The following RAB33A variants were observed in gnomAD, a reference collection of about 807,000 sequenced individuals.
The protein encoded by RAB33A is ras-related protein Rab-33A.
In RAB33A, 6 loss-of-function variants were observed where a neutral mutation model predicts 12.0. The ratio of observed to expected loss-of-function variants is 0.50; its 90% CI spans 0.27 to 0.99. The LOEUF is 0.99. Ranked by LOEUF, RAB33A falls within the 50% of genes least tolerant of loss-of-function variation. The pLI, the probability that RAB33A is intolerant of heterozygous loss-of-function variation, is 0.11. For synonymous variants in RAB33A, 70 were observed against 82.4 expected (o/e 0.85, Z 0.81); for missense variants, 109 against 192.0 (o/e 0.57, Z 2.55).
the RAB33A span, among the ~76,000 whole-genome samples, chrX:130,139,397 T>C: frequency 9.0e-6 from 1 of 110,992 alleles, no homozygotes; most frequent in Admixed American, 9.6e-5. Context: ...ATAAGCACAG[T>C]GTTAAGAAGC....
the RAB33A span, chrX:130,136,101 C>A: frequency 8.3e-7 from 1 of 1,212,009 alleles, no homozygotes; most frequent in East Asian, 3.0e-5. Context: ...CCACCAAAAT[C>A]TGAGTCTATT....
the RAB33A span, among the ~76,000 whole-genome samples, chrX:130,160,368 C>G: frequency 2.7e-5 from 3 of 111,692 alleles, no homozygotes; most frequent in African/African-American, 9.8e-5. Flanking sequence ...ATCATGGCAG[C>G]AGTTTACTTA....
chrX:130,117,159 A>C, the RAB33A span, among the ~76,000 whole-genome samples: 1 of 112,286 alleles, frequency 8.9e-6, no homozygotes, highest in Non-Finnish European at 1.9e-5. Context: ...GCTTGCAGTG[A>C]GCCGAGATTG....
At chrX:130,122,704 C>A in the RAB33A span, among the ~76,000 whole-genome samples, 1 of 111,825 alleles carries the variant, frequency 8.9e-6, no homozygotes, top group Non-Finnish European at 1.9e-5. Context: ...CTCTGTAGGG[C>A]ATGTTTGTTG....
chrX:130,141,555 C>T, the RAB33A span, among the ~76,000 whole-genome samples: 1 of 111,952 alleles, frequency 8.9e-6, no homozygotes. Flanking sequence ...GTTCGTTCCC[C>T]CACACTCCAC....
chrX:130,153,352 CAAA>C, the RAB33A span, among the ~76,000 whole-genome samples: 1 of 42,856 alleles, frequency 2.3e-5, no homozygotes. Flanking sequence ...GACTCCGTTT[CAAA>C]AAAAAAAAAA....
chrX:130,125,168 C>G, the RAB33A span, among the ~76,000 whole-genome samples: 2 of 111,874 alleles, frequency 1.8e-5, no homozygotes, highest in African/African-American at 6.5e-5. Flanking sequence ...GTAGCAACAC[C>G]AAGTCCTGGC....
chrX:130,114,255 C>T, the RAB33A span, among the ~76,000 whole-genome samples: 1 of 112,056 alleles, frequency 8.9e-6, no homozygotes, highest in Non-Finnish European at 1.9e-5. Context: ...TTGTGGGAAT[C>T]CCATAAGTTC....
the RAB33A span, among the ~76,000 whole-genome samples, chrX:130,154,288 G>C: frequency 8.9e-6 from 1 of 112,056 alleles, no homozygotes; most frequent in Non-Finnish European, 1.9e-5. Flanking sequence ...TTGGCATCAA[G>C]AAAATTTGCA....
the RAB33A span, among the ~76,000 whole-genome samples, chrX:130,157,393 T>G: frequency 8.9e-6 from 1 of 112,139 alleles, no homozygotes; most frequent in Non-Finnish European, 1.9e-5. Context: ...AAGGAAGGTC[T>G]CAGTCTCTGA....
chrX:130,168,281 C>G (rs1172676980), upstream of RAB33A, among the ~76,000 whole-genome samples: 1 of 102,927 alleles, frequency 9.7e-6, no homozygotes, highest in East Asian at 3.1e-4. Flanking sequence ...GTGGCAGTAT[C>G]TCGGCTCACT....
chrX:130,157,965 A>G, the RAB33A span, among the ~76,000 whole-genome samples: 11 of 104,520 alleles, frequency 1.1e-4, no homozygotes, highest in Non-Finnish European at 2.1e-4. Flanking sequence ...AAAAAAAAAA[A>G]AAAGAAAAGA....
chrX:130,126,168 C>T, the RAB33A span, among the ~76,000 whole-genome samples: 1 of 112,267 alleles, frequency 8.9e-6, no homozygotes, highest in African/African-American at 3.2e-5. Flanking sequence ...GAGGGCCAAA[C>T]CTCGACTGGC....
chrX:130,137,790 C>T, the RAB33A span: 87 of 964,857 alleles, frequency 9.0e-5, no homozygotes, highest in African/African-American at 1.6e-3. Context: ...TGGCCAGGTG[C>T]AGTGACTCAC....
At chrX:130,147,993 C>T in the RAB33A span, 6 of 936,544 alleles carry the variant, frequency 6.4e-6, no homozygotes, top group Non-Finnish European at 9.3e-6. Flanking sequence ...GCTAGCAAAA[C>T]ATATGACCTA....
At chrX:130,115,396 T>A in the RAB33A span, among the ~76,000 whole-genome samples, 4 of 112,021 alleles carry the variant, frequency 3.6e-5, no homozygotes, top group African/African-American at 1.3e-4. Flanking sequence ...ATGAATCACC[T>A]GAGGTCAGGA....
At chrX:130,169,608 C>T (rs2031583628), upstream of RAB33A, among the ~76,000 whole-genome samples, 1 of 111,474 alleles carries the variant, frequency 9.0e-6, no homozygotes, top group Admixed American at 9.6e-5. Context: ...GTGGAAATCC[C>T]CCAAAGTCTC....
At chrX:130,156,580 C>T in the RAB33A span, 1 of 1,211,706 alleles carries the variant, frequency 8.3e-7, no homozygotes, top group South Asian at 1.8e-5. Flanking sequence ...TCTAGAGGAA[C>T]ATGCCATCGC....
chrX:130,144,846 C>A, the RAB33A span, among the ~76,000 whole-genome samples: 2 of 112,583 alleles, frequency 1.8e-5, no homozygotes, highest in African/African-American at 3.2e-5. Context: ...TATCCATCTT[C>A]TCTGTCTAAT....
Sources: allele counts gnomAD v4.1 joint callset (sites outside exome capture counted in the v4.1 genomes callset), GRCh38; gene constraint gnomAD v4.1.1; transcripts MANE v1.5; gene names NCBI Gene and HGNC (gene_info 2026-07-23, HGNC 2026-07-21).